Variants in GRM7 observed in about 807,000 individuals in gnomAD.
GRM7 encodes the protein glutamate metabotropic receptor 7.
A neutral mutation model predicts 84.5 loss-of-function variants in GRM7; 35 were observed. The ratio of observed to expected loss-of-function variants is 0.41; its 90% CI spans 0.32 to 0.55. GRM7 has a LOEUF of 0.55. Ranked by LOEUF, GRM7 falls within the 20% of genes least tolerant of loss-of-function variation. GRM7 has a pLI of 0.19. For synonymous variants in GRM7, 487 were observed against 455.1 expected (o/e 1.07, Z -0.89); for missense variants, 1,003 against 1,194.6 (o/e 0.84, Z 2.36).
chr3:7,575,466 A>G (rs540988260), intron 7 of GRM7, among the ~76,000 whole-genome samples: 16 of 152,184 alleles, frequency 1.1e-4, no homozygotes, highest in Non-Finnish European at 2.1e-4. Flanking sequence ...TTGATTTTTC[A>G]TAGCGTTAAA....
chr3:7,681,651 A>G (rs1461130112), intron 9 of GRM7: 1 of 152,190 alleles, frequency 6.6e-6, no homozygotes, highest in Non-Finnish European at 1.5e-5. Flanking sequence ...GTGTCTCCAG[A>G]GCAAGTGGCC....
chr3:6,976,250 A>T (rs1693990459), intron 1 of GRM7, among the ~76,000 whole-genome samples: 1 of 152,226 alleles, frequency 6.6e-6, no homozygotes, highest in African/African-American at 2.4e-5. Flanking sequence ...TTTATTGAGC[A>T]TTTGAAAAAG....
intron 5 of GRM7, among the ~76,000 whole-genome samples, chr3:7,435,363 A>G (rs1375332553): frequency 6.6e-6 from 1 of 151,834 alleles, no homozygotes; most frequent in Non-Finnish European, 1.5e-5. Flanking sequence ...ACGGGTTTTC[A>G]CAGGCTGATC....
intron 1 of GRM7, among the ~76,000 whole-genome samples, chr3:6,921,980 G>A (rs1225444440): frequency 6.6e-6 from 1 of 152,174 alleles, no homozygotes; most frequent in Non-Finnish European, 1.5e-5. Flanking sequence ...AGACGTCATG[G>A]TTGTTGGTCA....
chr3:7,709,554 T>G (rs116454085), intron 9 of GRM7, among the ~76,000 whole-genome samples: 2,010 of 152,202 alleles, frequency 0.013, 45 homozygotes, highest in African/African-American at 0.046. Flanking sequence ...TGAGGGGATG[T>G]GGGTGGCTCA....
Position 6,861,273 on chromosome 3 carries a change from G to C in GRM7, c.-116G>C. On this transcript the variant is annotated 5_prime_UTR_variant, in exon 1 of 10. Coordinates refer to ENST00000357716, the MANE Select transcript of GRM7 (RefSeq NM_000844.4). The surrounding 1 kb of genome is among the most constrained non-coding windows in gnomAD (Gnocchi z 6.4). ...CTCCCCGGATTCCCCCACCCTCCGT[G>C]CCTGCAGGAGCCCCTGGGCTTTCCC... 1.2e-6 allele frequency: 1 copy of C among 844,244 alleles called. No individual in the cohort carries two copies. The highest frequency in any genetic ancestry group is 1.6e-6 in the Non-Finnish European group (1 of 607,564). The allele number at this position is 844,244 out of a possible 1,614,324, so 52.3% of individuals were successfully genotyped here.
At chr3:7,468,000 A>T (rs1698532426) in intron 7 of GRM7, among the ~76,000 whole-genome samples, 1 of 152,342 alleles carries the variant, frequency 6.6e-6, no homozygotes, top group Middle Eastern at 3.4e-3. Flanking sequence ...GCTGTCACAG[A>T]CACCTAAGAC....
At chr3:7,691,955 G>A (rs528678565) in intron 9 of GRM7, among the ~76,000 whole-genome samples, 15 of 152,196 alleles carry the variant, frequency 9.9e-5, no homozygotes, top group Non-Finnish European at 1.8e-4. Context: ...CACTGTGGCC[G>A]GCCCTGTGTT....
At position 7,395,223 on chromosome 3, in the gene GRM7, A is replaced by G. The variant is rs111900495; in HGVS notation, c.1034-19800A>G. On this transcript the variant is annotated intron_variant, in intron 4 of 9. Coordinates refer to ENST00000357716, the MANE Select transcript of GRM7 (RefSeq NM_000844.4). The stretch of plus-strand genomic sequence containing the variant: ...TCTATCAGCCATTTGAGTTACATCT[A>G]TGATGTATTCACCAAATTGTATCTA... Among the ~76,000 whole-genome samples the G allele has an allele frequency of 3.6e-3, 554 of 152,238 alleles. 3 individuals are homozygous for G. Among genetic ancestry groups the G allele is most frequent in the African/African-American group, 0.013 (529 of 41,546 alleles).
At chr3:7,186,341 T>C (rs1039761381) in intron 2 of GRM7, among the ~76,000 whole-genome samples, 3 of 152,198 alleles carry the variant, frequency 2.0e-5, no homozygotes, top group Non-Finnish European at 4.4e-5. Context: ...GATGTTAAAA[T>C]ACAGACCTAT....
At chr3:7,324,762 C>T (rs553222000) in intron 4 of GRM7, among the ~76,000 whole-genome samples, 1 of 152,048 alleles carries the variant, frequency 6.6e-6, no homozygotes, top group Non-Finnish European at 1.5e-5. Flanking sequence ...CATCTCAACC[C>T]TGCATAGAGG....
intron 4 of GRM7, among the ~76,000 whole-genome samples, chr3:7,368,091 G>C (rs936430997): frequency 6.6e-6 from 1 of 151,994 alleles, no homozygotes; most frequent in Non-Finnish European, 1.5e-5. Context: ...ACAAGTGTAA[G>C]AGATGCATAT....
At chr3:7,568,105 G>A (rs984919910) in intron 7 of GRM7, among the ~76,000 whole-genome samples, 1 of 152,142 alleles carries the variant, frequency 6.6e-6, no homozygotes, top group Non-Finnish European at 1.5e-5. Flanking sequence ...CTTAATTGCT[G>A]GTGGCAGGGC....
rs866691248 is a variant in GRM7 at position 7,306,638 on chromosome 3, G to A, written c.1019G>A (p.Arg340Gln). ...AEGAITIQPK[R>Q]ATVEGFDAYF... ...GGGGCCATCACCATTCAGCCCAAGC[G>A]AGCCACGGTGGAAGGTATGGGTTTC... is the stretch of plus-strand genomic sequence containing the variant. The change falls in exon 4 of 10, where the codon CGA (arginine) becomes CAA (glutamine). Residue 340 changes from arginine (R) to glutamine (Q), a missense_variant. Transcript: ENST00000357716. The A allele has an allele frequency of 2.5e-6, 4 of 1,604,150 alleles. No homozygotes were observed. Among genetic ancestry groups the A allele is most frequent in the Non-Finnish European group, 2.6e-6 (3 of 1,174,908 alleles).
chr3:7,631,687 T>C (rs1409518001), intron 8 of GRM7, among the ~76,000 whole-genome samples: 4 of 152,148 alleles, frequency 2.6e-5, no homozygotes, highest in African/African-American at 9.7e-5. Flanking sequence ...TTGTAGGATA[T>C]ATAACAACAT....
intron 7 of GRM7, among the ~76,000 whole-genome samples, chr3:7,546,197 A>G (rs1279083203): frequency 6.6e-6 from 1 of 152,206 alleles, no homozygotes; most frequent in Non-Finnish European, 1.5e-5. Flanking sequence ...AAAAATTTTC[A>G]GATACACAGA....
chr3:7,500,113 A>G (rs1699838036), intron 7 of GRM7, among the ~76,000 whole-genome samples: 1 of 152,084 alleles, frequency 6.6e-6, no homozygotes, highest in African/African-American at 2.4e-5. Context: ...TTAACTCTAC[A>G]TTATTACTTA....
chr3:6,972,937 G>A (rs1337130742), intron 1 of GRM7, among the ~76,000 whole-genome samples: 1 of 152,190 alleles, frequency 6.6e-6, no homozygotes, highest in African/African-American at 2.4e-5. Context: ...CTGACACAGA[G>A]TGATATATTC....
intron 8 of GRM7, among the ~76,000 whole-genome samples, chr3:7,631,251 T>G (rs185036175): frequency 6.6e-6 from 1 of 152,196 alleles, no homozygotes; most frequent in Non-Finnish European, 1.5e-5. Flanking sequence ...GAAGCCTGTT[T>G]CTGCTGCAAA....
Sources: allele counts gnomAD v4.1 joint callset (sites outside exome capture counted in the v4.1 genomes callset), GRCh38; gene constraint gnomAD v4.1.1; non-coding constraint Gnocchi (gnomAD v3.1); transcripts MANE v1.5; gene names NCBI Gene and HGNC (gene_info 2026-07-23, HGNC 2026-07-21).